The following DAPK1 variants were observed in gnomAD, a reference collection of about 807,000 sequenced individuals.
DAPK1 encodes death-associated protein kinase 1.
In DAPK1, 56 loss-of-function variants were observed where a neutral mutation model predicts 144.9. That is an observed-to-expected ratio of 0.39 (90% CI 0.31 to 0.48). The LOEUF is 0.48. Ranked by LOEUF, DAPK1 falls within the 20% of genes least tolerant of loss-of-function variation. DAPK1 has a pLI of 0.95. For synonymous variants in DAPK1, 690 were observed against 749.0 expected, an observed-to-expected ratio of 0.92 and a Z score of 1.29; for missense variants, 1,454 against 1,875.4, an observed-to-expected ratio of 0.78 and a Z score of 4.15.
At chr9:87,499,558 T>A (rs1824318691) in intron 2 of DAPK1, among the ~76,000 whole-genome samples, 1 of 152,258 alleles carries the variant, frequency 6.6e-6, no homozygotes. Context: ...ACCCTCTATC[T>A]AAATTTTCAG....
intron 3 of DAPK1, among the ~76,000 whole-genome samples, chr9:87,637,705 C>T (rs934629535): frequency 6.6e-6 from 1 of 152,214 alleles, no homozygotes; most frequent in Non-Finnish European, 1.5e-5. Context: ...TGCCCCTCCT[C>T]TCATTTGTGA....
chr9:87,554,816 C>G (rs1223934553), intron 2 of DAPK1, among the ~76,000 whole-genome samples: 1 of 152,356 alleles, frequency 6.6e-6, no homozygotes, highest in East Asian at 1.9e-4. Flanking sequence ...TCCCCCACCC[C>G]CACCGGAGGT....
chr9:87,513,838 C>T (rs1233344264), intron 2 of DAPK1, among the ~76,000 whole-genome samples: 1 of 152,188 alleles, frequency 6.6e-6, no homozygotes, highest in African/African-American at 2.4e-5. Context: ...TTTCGCCTTG[C>T]TTCCTCTAAA....
chr9:87,680,262 G>A (rs1044649194), intron 19 of DAPK1, among the ~76,000 whole-genome samples: 5 of 151,818 alleles, frequency 3.3e-5, no homozygotes, highest in African/African-American at 1.2e-4. Flanking sequence ...CCGCCACCAC[G>A]CCCGGCTAAT....
rs746655541 is a variant in DAPK1 at position 87,707,400 on chromosome 9, T to C, written c.*36T>C. Reference sequence around the variant, plus strand: ...TGGCTTGGGCAGGGTCTGTTTGGACTGCAGAAGCAAGGGGGTGATGTAGCC... The same window carrying C: ...TGGCTTGGGCAGGGTCTGTTTGGACCGCAGAAGCAAGGGGGTGATGTAGCC... On this transcript the variant is annotated 3_prime_UTR_variant, in exon 26 of 26. Coordinates refer to ENST00000408954, the MANE Select transcript of DAPK1 (RefSeq NM_004938.4). This position sits in a 1 kb window ranked among gnomAD's most constrained non-coding sequence, Gnocchi z 4.0. The C allele has an allele frequency of 4.8e-6, 7 of 1,455,418 alleles. No individual in the cohort carries two copies. The highest frequency in any genetic ancestry group is 5.7e-6 in the Non-Finnish European group (6 of 1,060,406). 90.2% of individuals were successfully genotyped at this position (1,455,418 alleles called of 1,614,324 possible).
intron 18 of DAPK1, among the ~76,000 whole-genome samples, chr9:87,662,559 A>AGTTTTTTTTT (rs1830887763): frequency 7.8e-5 from 2 of 25,556 alleles, no homozygotes; most frequent in Non-Finnish European, 2.0e-4. Context: ...ATATATTCCT[A>AGTTTTTTTTT]GTTTTTTTTT....
At chr9:87,629,501 A>G (rs1295128178) in intron 3 of DAPK1, among the ~76,000 whole-genome samples, 1 of 152,048 alleles carries the variant, frequency 6.6e-6, no homozygotes, top group South Asian at 2.1e-4. Flanking sequence ...CACTACCTAT[A>G]CCTACCTAAC....
At chr9:87,634,167 A>T (rs780908650) in intron 3 of DAPK1, among the ~76,000 whole-genome samples, 1 of 152,222 alleles carries the variant, frequency 6.6e-6, no homozygotes. Context: ...TGCTTTCATG[A>T]TACATTAGCA....
chr9:87,547,578 A>AGTGTGTGTGT (rs61564712), intron 2 of DAPK1, among the ~76,000 whole-genome samples: 1 of 58,796 alleles, frequency 1.7e-5, no homozygotes, highest in South Asian at 5.2e-4. Context: ...AGAGAGAGAG[A>AGTGTGTGTGT]GTGTGTGTGT....
chr9:87,531,938 A>G (rs1177246793), intron 2 of DAPK1, among the ~76,000 whole-genome samples: 2 of 152,226 alleles, frequency 1.3e-5, no homozygotes, highest in African/African-American at 4.8e-5. Flanking sequence ...GGAAATGCTT[A>G]ATGCTTATGG....
At chr9:87,661,979 T>G (rs1830864781) in intron 18 of DAPK1, among the ~76,000 whole-genome samples, 1 of 152,234 alleles carries the variant, frequency 6.6e-6, no homozygotes, top group South Asian at 2.1e-4. Flanking sequence ...GTCTTTAATC[T>G]ATCTTGAGTT....
chr9:87,598,715 C>G (rs1828407108), intron 2 of DAPK1, among the ~76,000 whole-genome samples: 1 of 152,160 alleles, frequency 6.6e-6, no homozygotes, highest in Non-Finnish European at 1.5e-5. Flanking sequence ...GAGCCTCCCA[C>G]AAATAAATAA....
chr9:87,565,246 T>G (rs1395616493), intron 2 of DAPK1, among the ~76,000 whole-genome samples: 1 of 152,056 alleles, frequency 6.6e-6, no homozygotes, highest in Non-Finnish European at 1.5e-5. Flanking sequence ...GTCGAGGCTG[T>G]AGAGAAAGAA....
intron 12 of DAPK1, 95 bp downstream of exon 12, chr9:87,646,109 C>T: frequency 1.4e-6 from 2 of 1,434,306 alleles, no homozygotes; most frequent in East Asian, 2.3e-5. Context: ...CTCCATTCTC[C>T]CTTCCAATTG....
chr9:87,707,637 G>A lies in DAPK1; in HGVS notation c.*273G>A, dbSNP rs899748916. On this transcript the variant is annotated 3_prime_UTR_variant, in exon 26 of 26. Transcript: ENST00000408954. This position sits in a 1 kb window ranked among gnomAD's most constrained non-coding sequence, Gnocchi z 4.0. Reference sequence around the variant, plus strand: ...TAGTGTACCTCCTCTCAGTGTTTTGGACTCCATCTCTCATCCTCCAGTACC... The same window carrying A: ...TAGTGTACCTCCTCTCAGTGTTTTGAACTCCATCTCTCATCCTCCAGTACC... 9.6e-6 allele frequency: 5 copies of A among 522,258 alleles called. No homozygotes were observed. The highest frequency in any genetic ancestry group is 7.6e-5 in the African/African-American group (4 of 52,344). The allele number at this position is 522,258 out of a possible 1,614,324, so 32.4% of individuals were successfully genotyped here.
chr9:87,560,931 G>T (rs536446132), intron 2 of DAPK1, among the ~76,000 whole-genome samples: 1 of 152,098 alleles, frequency 6.6e-6, no homozygotes, highest in Non-Finnish European at 1.5e-5. Flanking sequence ...CTCACAAAGT[G>T]TTGGGATTAC....
intron 2 of DAPK1, among the ~76,000 whole-genome samples, chr9:87,561,158 G>A (rs1472612413): frequency 2.0e-5 from 3 of 152,076 alleles, no homozygotes; most frequent in African/African-American, 2.4e-5. Context: ...ATGAGGAGCC[G>A]TTTGTGCTTA....
chr9:87,703,140 G>A lies in DAPK1; in HGVS notation c.2983G>A (p.Val995Met), dbSNP rs201359193. ...GTCGCTGCAGCAGTTTGTGTACGAC[G>A]TGCAGGACCAGCTGAACCCCCTGGC... ...LMSLQQFVYD[V>M]QDQLNPLASE... Residue 995 changes from valine to methionine, a missense_variant, in exon 25 of 26, where the codon GTG (valine) becomes ATG (methionine). Transcript: ENST00000408954. 5.0e-6 allele frequency: 8 copies of A among 1,610,254 alleles called. No homozygotes were observed. The highest frequency in any genetic ancestry group is 4.4e-5 in the South Asian group (4 of 91,030).
chr9:87,670,656 G>T (rs1831220364), intron 19 of DAPK1, among the ~76,000 whole-genome samples: 1 of 152,092 alleles, frequency 6.6e-6, no homozygotes, highest in Non-Finnish European at 1.5e-5. Context: ...TGATGCCCTG[G>T]CTCAGCTCAC....
Sources: allele counts gnomAD v4.1 joint callset (sites outside exome capture counted in the v4.1 genomes callset), GRCh38; gene constraint gnomAD v4.1.1; non-coding constraint Gnocchi (gnomAD v3.1); transcripts MANE v1.5; gene names NCBI Gene and HGNC (gene_info 2026-07-23, HGNC 2026-07-21).